The following ARL10 variants were observed in gnomAD, a reference collection of about 807,000 sequenced individuals.
The protein encoded by ARL10 is ARF like GTPase 10, also known as ADP-ribosylation factor-like protein 10.
In ARL10, 23 loss-of-function variants were observed where a neutral mutation model predicts 26.1. The observed-to-expected ratio is 0.88, with a 90% CI of 0.63 to 1.25. ARL10 has a LOEUF of 1.25. Ranked by LOEUF, ARL10 falls within the 50% of genes most tolerant of loss-of-function variation. The pLI is 0.00. For synonymous variants in ARL10, 138 were observed against 149.1 expected, an observed-to-expected ratio of 0.93 and a Z score of 0.54; for missense variants, 300 against 323.6, an observed-to-expected ratio of 0.93 and a Z score of 0.56.
intron 1 of ARL10, among the ~76,000 whole-genome samples, chr5:176,394,260 T>C (rs1021748503): frequency 6.6e-6 from 1 of 152,194 alleles, no homozygotes; most frequent in Non-Finnish European, 1.5e-5. Context: ...GCGTCCATGG[T>C]CCAATGGCAT....
rs1768708589 is a variant in ARL10 at position 176,377,160 on chromosome 5, G to C, written c.*5265G>C. 6.6e-6 allele frequency: 1 copy of C among 152,178 alleles called. No homozygotes were observed. The highest frequency in any genetic ancestry group is 1.5e-5 in the Non-Finnish European group (1 of 68,028). 9.4% of individuals were successfully genotyped at this position (152,178 alleles called of 1,614,324 possible). A position where few individuals can be genotyped will look rare whatever the true frequency, so the allele number is the denominator to read the frequency against. On this transcript the variant is annotated 3_prime_UTR_variant, in exon 4 of 4. Transcript: ENST00000310389. This position sits in a 1 kb window ranked among gnomAD's most constrained non-coding sequence, Gnocchi z 4.5. ...TCTGATCTGCTGACCAAAGGCAATG[G>C]TTGGCTTTCTTCTTCAGAGATCAGA... is the stretch of plus-strand genomic sequence containing the variant.
intron 3 of ARL10, among the ~76,000 whole-genome samples, chr5:176,371,092 T>C (rs1768512795): frequency 6.6e-6 from 1 of 152,204 alleles, no homozygotes; most frequent in Non-Finnish European, 1.5e-5. Context: ...GCTCTATTTC[T>C]AGCCGGGCGT....
intron 3 of ARL10, among the ~76,000 whole-genome samples, chr5:176,371,231 C>G (rs1047525009): frequency 5.3e-5 from 8 of 152,126 alleles, no homozygotes; most frequent in Non-Finnish European, 8.8e-5. Context: ...AAAAATTAGC[C>G]AGGCGTGGTG....
chr5:176,388,125 C>T (rs1165889190), intron 1 of ARL10: 1 of 803,722 alleles, frequency 1.2e-6, no homozygotes, highest in Non-Finnish European at 2.0e-6. Flanking sequence ...AGGTCGAAAA[C>T]TCGGAAGGGC....
In ARL10 at chr5:176,381,410, C is replaced by T. The variant is rs1009838807; in HGVS notation, c.*9515C>T. ...GTTATACTTTGGATCCTACTTCTGA[C>T]ACCAGTTTGTTAAAAGAAAAATTTT... On this transcript the variant is annotated 3_prime_UTR_variant, in exon 4 of 4. Transcript: ENST00000310389. 6 of 152,154 alleles carry T rather than the reference C, an allele frequency of 3.9e-5. No individual in the cohort carries two copies. The highest frequency in any genetic ancestry group is 6.5e-5 in the Admixed American group (1 of 15,272). 9.4% of individuals were successfully genotyped at this position (152,154 alleles called of 1,614,324 possible).
At chr5:176,392,437 G>A (rs181228909), downstream of ARL10, 4 of 230,898 alleles carry the variant, frequency 1.7e-5, no homozygotes, top group East Asian at 8.8e-5. This position sits in a 1 kb window ranked among gnomAD's most constrained non-coding sequence, Gnocchi z 5.2. Flanking sequence ...AGCACAAACC[G>A]AGCCCTGACA....
rs928335190 is a variant in ARL10 at position 176,379,797 on chromosome 5, T to G, written c.*7902T>G. On this transcript the variant is annotated 3_prime_UTR_variant, in exon 4 of 4. Coordinates refer to ENST00000310389, the MANE Select transcript of ARL10 (RefSeq NM_173664.6). The stretch of plus-strand genomic sequence containing the variant: ...TCTTCAGCAATTCTTCCAGTTCCTT[T>G]TTGCCTCCTCTTGGGGTTTTGGAGT... 6.6e-6 allele frequency: 1 copy of G among 152,236 alleles called. No homozygotes were observed. The highest frequency in any genetic ancestry group is 6.5e-5 in the Admixed American group (1 of 15,280). 9.4% of individuals were successfully genotyped at this position (152,236 alleles called of 1,614,324 possible). A position where few individuals can be genotyped will look rare whatever the true frequency, so the allele number is the denominator to read the frequency against.
chr5:176,386,890 T>A, downstream of ARL10: 1 of 1,614,094 alleles, frequency 6.2e-7, no homozygotes, highest in Non-Finnish European at 8.5e-7. Flanking sequence ...CTCCTCTATG[T>A]CCACCTCCAT....
In ARL10 at chr5:176,365,636, T is replaced by C; in HGVS notation, c.73T>C (p.Phe25Leu). ...CGCGGCGGTGCTGGGCTCGGTGCTC[T>C]TCATCCTCTGGAAGACCTACTTCGG... ...GAAAVLGSVL[F>L]ILWKTYFGRG... Residue 25 changes from phenylalanine (F) to leucine (L), a missense_variant, in exon 1 of 4, where the codon TTC becomes CTC. Phe to Leu is a conservative substitution (Grantham distance 22). Transcript: ENST00000310389. 1 of 1,260,288 alleles carries C rather than the reference T, an allele frequency of 7.9e-7. No individual in the cohort carries two copies. The highest frequency in any genetic ancestry group is 3.4e-5 in the South Asian group (1 of 29,664). The allele number at this position is 1,260,288 out of a possible 1,614,324, so 78.1% of individuals were successfully genotyped here. A position where few individuals can be genotyped will look rare whatever the true frequency, so the allele number is the denominator to read the frequency against.
chr5:176,396,669 T>C, intron 1 of ARL10: 1 of 734,718 alleles, frequency 1.4e-6, no homozygotes, highest in South Asian at 1.5e-5. Flanking sequence ...AGCATAGTTC[T>C]GGAAGGCTCA....
downstream of ARL10, among the ~76,000 whole-genome samples, chr5:176,391,162 T>C (rs1448500702): frequency 6.6e-6 from 1 of 152,190 alleles, no homozygotes; most frequent in Non-Finnish European, 1.5e-5. Flanking sequence ...CCATGTTCTC[T>C]CAGCTTTGAG....
chr5:176,373,084 G>T lies in ARL10; in HGVS notation c.*1189G>T. ...TTGAAAGGGTGCAAATTCCTTCTGG[G>T]TAGATAAGAAATGACTCTGGGAGAG... On this transcript the variant is annotated 3_prime_UTR_variant, in exon 4 of 4. Coordinates refer to ENST00000310389, the MANE Select transcript of ARL10 (RefSeq NM_173664.6). The T allele has an allele frequency of 2.5e-6, 1 of 398,608 alleles. No homozygotes were observed. Among genetic ancestry groups the T allele is most frequent in the Non-Finnish European group, 4.4e-6 (1 of 226,074 alleles). 24.7% of individuals were successfully genotyped at this position (398,608 alleles called of 1,614,324 possible). A position where few individuals can be genotyped will look rare whatever the true frequency, so the allele number is the denominator to read the frequency against.
chr5:176,405,962 G>C (rs904567530), downstream of ARL10: 75 of 170,432 alleles, frequency 4.4e-4, no homozygotes, highest in African/African-American at 1.8e-3. Flanking sequence ...CGGTGTGGCA[G>C]GGCCCCACAC....
At chr5:176,405,510 A>C (rs1487719388), downstream of ARL10, 2 of 150,572 alleles carry the variant, frequency 1.3e-5, no homozygotes, top group Non-Finnish European at 3.0e-5. Flanking sequence ...AAAAAAAAAG[A>C]AAAAGAAAAA....
At position 176,368,828 on chromosome 5, in the gene ARL10, G is replaced by A. The variant is rs374732571; in HGVS notation, c.407G>A (p.Arg136His). The A allele has an allele frequency of 1.2e-4, 201 of 1,613,122 alleles. No individual in the cohort carries two copies. Among genetic ancestry groups the A allele is most frequent in the Non-Finnish European group, 1.6e-4 (192 of 1,179,430 alleles). The change falls in exon 3 of 4, where the codon CGC (arginine) becomes CAC (histidine). Residue 136 changes from arginine to histidine, a missense_variant. Coordinates refer to ENST00000310389, the MANE Select transcript of ARL10 (RefSeq NM_173664.6). This position sits in a 1 kb window ranked among gnomAD's most constrained non-coding sequence, Gnocchi z 4.1. The part of the protein sequence containing the change: ...LLEIGGSQNL[R>H]FYWKEFVSEV... The stretch of plus-strand genomic sequence containing the variant: ...TCAGTTGGGGGCAGCCAGAACCTGC[G>A]CTTCTACTGGAAGGAGTTTGTGAGC...
chr5:176,384,022 G>A (rs11556382), downstream of ARL10: 41 of 1,539,366 alleles, frequency 2.7e-5, no homozygotes, highest in African/African-American at 3.6e-4. Context: ...TGGCTTTTCC[G>A]TGAACCCCCA....
chr5:176,383,796 G>A (rs1755615186), downstream of ARL10: 3 of 608,134 alleles, frequency 4.9e-6, no homozygotes, highest in Admixed American at 6.2e-5. Context: ...AGAGCCATCG[G>A]GATGAGGCCA....
At chr5:176,400,457 G>A (rs1195142725) in intron 1 of ARL10, among the ~76,000 whole-genome samples, 1 of 152,120 alleles carries the variant, frequency 6.6e-6, no homozygotes, top group Non-Finnish European at 1.5e-5. Flanking sequence ...CTGACTCCCA[G>A]GCAGGGGCTC....
At position 176,396,574 on chromosome 5, in the gene ARL10, C is replaced by G. The variant is rs770261797; in HGVS notation, c.134-5167C>G. ...AGGGAAGGGGTTAGGTGGGGGAAGG[C>G]AGATGGCAAGACAGACAGGCAGGCA... On this transcript the variant is annotated intron_variant, in intron 1 of 1. Coordinates refer to the ARL10 transcript ENST00000514533. The G allele has an allele frequency of 2.7e-6, 4 of 1,485,300 alleles. No homozygotes were observed. In the East Asian group the frequency reaches 6.8e-5, roughly 25 times the overall value. The allele number at this position is 1,485,300 out of a possible 1,614,324, so 92.0% of individuals were successfully genotyped here.
Sources: gnomAD v4.1 joint callset for allele counts (sites outside exome capture counted in the v4.1 genomes callset) on GRCh38, gnomAD v4.1.1 for gene constraint, Gnocchi (gnomAD v3.1) non-coding constraint, MANE v1.5 for transcripts, NCBI Gene and HGNC (gene_info 2026-07-23, HGNC 2026-07-21) for gene names.